The following HYAL4 variants were observed in gnomAD, a reference collection of about 807,000 sequenced individuals.
HYAL4 encodes hyaluronidase-4.
In HYAL4, 37 loss-of-function variants were observed where a neutral mutation model predicts 35.2. That is an observed-to-expected ratio of 1.05 (90% confidence interval 0.81 to 1.38). HYAL4 has a LOEUF of 1.38. HYAL4 is among the 40% of genes most tolerant of loss of function. HYAL4 has a pLI of 0.00. For missense variants in HYAL4, 572 were observed against 572.4 expected, an observed-to-expected ratio of 1.00 and a Z score of 0.01; for synonymous variants, 198 against 203.2, an observed-to-expected ratio of 0.97 and a Z score of 0.22.
chr7:123,856,246 G>T (rs1387841706), intron 2 of HYAL4, among the ~76,000 whole-genome samples: 2 of 151,934 alleles, frequency 1.3e-5, no homozygotes, highest in Non-Finnish European at 2.9e-5. Flanking sequence ...TCCCTTGCTG[G>T]TGAGAAGTTG....
Position 123,868,413 on chromosome 7 carries a change from C to A in HYAL4, c.140C>A (p.Pro47His), listed in dbSNP as rs1481630944. The change falls in exon 3 of 5, where the codon CCT becomes CAT. Residue 47 changes from proline (P) to histidine (H), a missense_variant. By Grantham distance (77) the Pro-to-His change is moderately conservative. Coordinates refer to ENST00000223026, the MANE Select transcript of HYAL4 (RefSeq NM_012269.3). ...CGACTTCCAATTTATCAAAGGAAAC[C>A]TTTTATAGCTGCTTGGAATGCTCCA... is the stretch of plus-strand genomic sequence containing the variant. ...PARLPIYQRKPFIAAWNAPTD... is the reference protein window; with the variant it reads ...PARLPIYQRKHFIAAWNAPTD... The A allele has an allele frequency of 1.9e-6, 3 of 1,612,970 alleles. No homozygotes were observed. Among genetic ancestry groups the A allele is most frequent in the Non-Finnish European group, 2.5e-6 (3 of 1,179,618 alleles).
chr7:123,772,080 C>T, the HYAL4 span, among the ~76,000 whole-genome samples: 4 of 152,128 alleles, frequency 2.6e-5, no homozygotes, highest in African/African-American at 4.8e-5. Flanking sequence ...TGACTGACAT[C>T]GGCTTTCCTG....
chr7:123,831,746 A>G (rs1283810589), intron 1 of HYAL4, among the ~76,000 whole-genome samples: 5 of 152,194 alleles, frequency 3.3e-5, no homozygotes, highest in African/African-American at 1.2e-4. Flanking sequence ...TTTGTTGGGC[A>G]TATTTACTCA....
the HYAL4 span, among the ~76,000 whole-genome samples, chr7:123,797,575 A>C: frequency 0.038 from 5,775 of 152,322 alleles, 149 homozygotes; most frequent in Middle Eastern, 0.11. Flanking sequence ...CTAACAAATA[A>C]ATCAAGTAGA....
chr7:123,768,879 C>T, the HYAL4 span, among the ~76,000 whole-genome samples: 2 of 152,170 alleles, frequency 1.3e-5, no homozygotes, highest in African/African-American at 4.8e-5. Flanking sequence ...TGATGTTGCC[C>T]CTGTTTCTGT....
the HYAL4 span, among the ~76,000 whole-genome samples, chr7:123,772,783 C>G: frequency 2.0e-5 from 3 of 152,126 alleles, no homozygotes; most frequent in East Asian, 3.9e-4. Flanking sequence ...CTGATGAAAG[C>G]TGCTTCTGTG....
chr7:123,788,700 C>T, the HYAL4 span, among the ~76,000 whole-genome samples: 1 of 152,252 alleles, frequency 6.6e-6, no homozygotes, highest in South Asian at 2.1e-4. Flanking sequence ...TTGTACTTTG[C>T]TTTTGTTACA....
the HYAL4 span, among the ~76,000 whole-genome samples, chr7:123,819,060 T>C: frequency 3.3e-5 from 5 of 152,196 alleles, 1 homozygote; most frequent in Admixed American, 2.6e-4. Context: ...TGTAATTATG[T>C]ATTCTTTAAC....
rs576254391 is a variant in HYAL4 at position 123,869,878 on chromosome 7, C to T, written c.954+651C>T. Among the ~76,000 whole-genome samples the T allele has an allele frequency of 2.3e-3, 335 of 145,112 alleles. 1 individual carries two copies. Among genetic ancestry groups the T allele is most frequent in the Non-Finnish European group, 4.0e-3 (268 of 66,848 alleles). On this transcript the variant is annotated intron_variant, in intron 3 of 4. Transcript: ENST00000223026. ...CTAATTTTTGTACTTTTAGTAAAGA[C>T]GGGGTTTCACCATGTTGGACAGGCT...
chr7:123,838,811 T>G (rs1806008683), intron 1 of HYAL4, among the ~76,000 whole-genome samples: 1 of 152,114 alleles, frequency 6.6e-6, no homozygotes, highest in Admixed American at 6.6e-5. Flanking sequence ...GTCTCAAACT[T>G]CTTGGAGACT....
the HYAL4 span, among the ~76,000 whole-genome samples, chr7:123,784,627 G>C: frequency 6.6e-6 from 1 of 152,226 alleles, no homozygotes; most frequent in Admixed American, 6.5e-5. Context: ...CCACAGTGTT[G>C]CAGTAACTTT....
upstream of HYAL4, chr7:123,828,916 A>G (rs1047745635): frequency 1.3e-5 from 2 of 152,602 alleles, no homozygotes; most frequent in Admixed American, 1.3e-4. Context: ...ATGGAATCAC[A>G]CTTTGAAAGT....
chr7:123,795,519 T>C, the HYAL4 span, among the ~76,000 whole-genome samples: 2 of 152,184 alleles, frequency 1.3e-5, no homozygotes. Flanking sequence ...GGGTGTTTTC[T>C]CAAGTTCTTC....
the HYAL4 span, among the ~76,000 whole-genome samples, chr7:123,771,634 A>T: frequency 6.6e-6 from 1 of 152,102 alleles, no homozygotes; most frequent in African/African-American, 2.4e-5. Flanking sequence ...CATTTTTGTT[A>T]TGGGTAGTTT....
intron 2 of HYAL4, among the ~76,000 whole-genome samples, chr7:123,864,500 GA>G (rs1256370301): frequency 6.6e-6 from 1 of 152,116 alleles, no homozygotes; most frequent in Non-Finnish European, 1.5e-5. Context: ...GCGGATTATG[GA>G]AGGGGGAAGG....
intron 2 of HYAL4, among the ~76,000 whole-genome samples, chr7:123,863,863 AGC>A (rs1277303167): frequency 6.6e-6 from 1 of 152,148 alleles, no homozygotes; most frequent in Non-Finnish European, 1.5e-5. Flanking sequence ...CAAGCAAGTA[AGC>A]TTCTTTGGGG....
intron 1 of HYAL4, among the ~76,000 whole-genome samples, chr7:123,831,136 C>T (rs1225895337): frequency 6.6e-6 from 1 of 152,156 alleles, no homozygotes; most frequent in Non-Finnish European, 1.5e-5. Flanking sequence ...GGCTTAGTGG[C>T]ATTGTTGTGG....
At chr7:123,836,328 T>C (rs904671324) in intron 1 of HYAL4, among the ~76,000 whole-genome samples, 2 of 152,222 alleles carry the variant, frequency 1.3e-5, no homozygotes, top group African/African-American at 2.4e-5. Context: ...TATTACTACA[T>C]CATGTCCTTC....
chr7:123,774,294 C>T, the HYAL4 span, among the ~76,000 whole-genome samples: 1 of 152,222 alleles, frequency 6.6e-6, no homozygotes, highest in African/African-American at 2.4e-5. Flanking sequence ...CCACCTCGGC[C>T]TCCCAAAGTG....
Sources: gnomAD v4.1 joint callset for allele counts (sites outside exome capture counted in the v4.1 genomes callset) on GRCh38, gnomAD v4.1.1 for gene constraint, MANE v1.5 for transcripts, NCBI Gene and HGNC (gene_info 2026-07-23, HGNC 2026-07-21) for gene names.